LRP4: variants seen among roughly 807,000 people sequenced by gnomAD.
LRP4 encodes LDL receptor related protein 4, also known as low-density lipoprotein receptor-related protein 4.
LRP4 carries 95 observed loss-of-function variants against 220.3 expected under a neutral mutation model. That is an observed-to-expected ratio of 0.43 (90% CI 0.37 to 0.51). LRP4 has a LOEUF of 0.51. LRP4 is among the 20% of genes least tolerant of loss of function. The probability of loss-of-function intolerance (pLI) is 0.00; values close to 1 mark genes in which losing one functional copy is unlikely to be tolerated. For synonymous variants in LRP4, 903 were observed against 954.6 expected (o/e 0.95, Z 1.00); for missense variants, 1,925 against 2,567.0 (o/e 0.75, Z 5.40).
chr11:46,899,527 A>G lies in LRP4; in HGVS notation c.431-24T>C. 3 of 1,547,516 alleles carry G rather than the reference A, an allele frequency of 1.9e-6. No homozygotes were observed. Among genetic ancestry groups the G allele is most frequent in the Non-Finnish European group, 2.7e-6 (3 of 1,122,398 alleles). On this transcript the variant is annotated intron_variant, in intron 4 of 37. Transcript: ENST00000378623. The surrounding 1 kb of genome is among the most constrained non-coding windows in gnomAD (Gnocchi z 5.9). ...GTCTGGGGGGATGCGATGGGACAGC[A>G]GTTCTGAGGGGGCCCCACAGGCAAC...
In LRP4 at chr11:46,879,253, A is replaced by G. The variant is rs139837472; in HGVS notation, c.2877T>C (p.Tyr959=). ...TGCTCTTGGTCTGCCAGTCAGTCCAATAGATGCGCTCTCCATAGAGGGTCA... is the reference window on the plus strand; with the variant it reads ...TGCTCTTGGTCTGCCAGTCAGTCCAGTAGATGCGCTCTCCATAGAGGGTCA... ...FGLTLYGERI[Y]WTDWQTKSIQ... is the part of the protein sequence containing the mutation. Residue 959 remains tyrosine (Y), a synonymous_variant, in exon 21 of 38, where the codon TAT becomes TAC. Transcript: ENST00000378623. 7 of 1,614,108 alleles carry G rather than the reference A, an allele frequency of 4.3e-6. No individual in the cohort carries two copies. In the African/African-American group the frequency reaches 8.0e-5, roughly 18 times the overall value.
At chr11:46,900,962 T>G (rs148925328) in intron 2 of LRP4, among the ~76,000 whole-genome samples, 2,835 of 152,182 alleles carry the variant, frequency 0.019, 34 homozygotes, top group Non-Finnish European at 0.025. Context: ...ATCTTTTTTT[T>G]TGTGTGTATT....
In LRP4 at chr11:46,896,929, G is replaced by A. The variant is rs982467887; in HGVS notation, c.862C>T (p.Arg288Cys). ...GCACAGTCGTCCTCCCCATCACAGC[G>A]CCAGGACAGGCGGACACAGCGGCCT... ...HSGRCVRLSW[R>C]CDGEDDCADN... Residue 288 changes from arginine (R) to cysteine (C), a missense_variant, in exon 8 of 38, where the codon CGC becomes TGC. Physicochemically the swap from Arg to Cys is radical, Grantham distance 180. Around this residue, in one of 3 missense-constraint regions of LRP4, gnomAD observed 412 missense variants for 505.4 expected, o/e 0.82. Coordinates refer to ENST00000378623, the MANE Select transcript of LRP4 (RefSeq NM_002334.4). 6.8e-6 allele frequency: 11 copies of A among 1,614,190 alleles called. No homozygotes were observed. Among genetic ancestry groups the A allele is most frequent in the East Asian group, 2.2e-5 (1 of 44,888 alleles).
intron 1 of LRP4, among the ~76,000 whole-genome samples, chr11:46,912,160 A>G (rs1240302393): frequency 6.6e-6 from 1 of 152,198 alleles, no homozygotes; most frequent in Non-Finnish European, 1.5e-5. Flanking sequence ...GGCCAATGTA[A>G]GACGGGAATC....
chr11:46,896,741 C>T, intron 8 of LRP4, 128 bp downstream of exon 8: 1 of 1,393,414 alleles, frequency 7.2e-7, no homozygotes, highest in South Asian at 1.2e-5. Flanking sequence ...GGCCGCAGGT[C>T]AATGATGCAC....
At chr11:46,864,404 GAA>G in intron 36 of LRP4, 42 bp downstream of exon 36, 27 of 1,332,678 alleles carry the variant, frequency 2.0e-5, no homozygotes, top group Non-Finnish European at 2.5e-5. Flanking sequence ...ACATGCTCAT[GAA>G]GACCAATGAG....
rs1940446246 is a variant in LRP4, at chr11:46,858,723, G to C, written c.*260C>G. 2 of 516,970 alleles carry C rather than the reference G, an allele frequency of 3.9e-6. No homozygotes were observed. The highest frequency in any genetic ancestry group is 6.2e-5 in the Admixed American group (2 of 32,496). The allele number at this position is 516,970 out of a possible 1,614,324, so 32.0% of individuals were successfully genotyped here. ...AGGAATCACGAATAAGCAGTTTCAG[G>C]GGGCCCAGGATGGAGTACAAGATGT... On this transcript the variant is annotated 3_prime_UTR_variant, in exon 38 of 38. Transcript: ENST00000378623.
chr11:46,884,919 A>T (rs1004353610), intron 18 of LRP4, among the ~76,000 whole-genome samples: 1 of 152,044 alleles, frequency 6.6e-6, no homozygotes, highest in Non-Finnish European at 1.5e-5. Context: ...CTCAAAATTT[A>T]AAAAAGAAAA....
At chr11:46,866,450 T>TAA (rs11398155) in intron 34 of LRP4, among the ~76,000 whole-genome samples, 3 of 150,552 alleles carry the variant, frequency 2.0e-5, no homozygotes, top group African/African-American at 4.9e-5. Flanking sequence ...CCTGGCTAAT[T>TAA]AAAAAAAAAC....
At position 46,858,608 on chromosome 11, in the gene LRP4, G is replaced by A. The variant is rs1212931151; in HGVS notation, c.*375C>T. The A allele has an allele frequency of 2.9e-6, 1 of 341,870 alleles. No homozygotes were observed. The highest frequency in any genetic ancestry group is 2.1e-5 in the African/African-American group (1 of 46,892). The allele number at this position is 341,870 out of a possible 1,614,324, so 21.2% of individuals were successfully genotyped here. A position where few individuals can be genotyped will look rare whatever the true frequency, so the allele number is the denominator to read the frequency against. Reference sequence around the variant, plus strand: ...CAGTCATGCTGGCTGTGATGGGGCAGAGCGCAGTCCTGGGTCATCAGCTGC... The same window carrying A: ...CAGTCATGCTGGCTGTGATGGGGCAAAGCGCAGTCCTGGGTCATCAGCTGC... On this transcript the variant is annotated 3_prime_UTR_variant, in exon 38 of 38. Transcript: ENST00000378623.
At chr11:46,910,879 T>C (rs556692556) in intron 1 of LRP4, among the ~76,000 whole-genome samples, 13 of 152,236 alleles carry the variant, frequency 8.5e-5, no homozygotes, top group East Asian at 5.8e-4. Flanking sequence ...TTTCTCCACA[T>C]TGACCAGGCT....
chr11:46,881,695 C>A lies in LRP4; in HGVS notation c.2814+7G>T. On this transcript the variant is annotated splice_region_variant and intron_variant, in intron 20 of 37. Coordinates refer to ENST00000378623, the MANE Select transcript of LRP4 (RefSeq NM_002334.4). ...CACCCTTACCTTCCTCTTACTGCCA[C>A]CCTTACCTTCCTCTTACTGCCATCC... 1 of 1,610,826 alleles carries A rather than the reference C, an allele frequency of 6.2e-7. No homozygotes were observed. The highest frequency in any genetic ancestry group is 1.4e-5 in the African/African-American group (1 of 73,380).
At chr11:46,867,473 T>C (rs1432944208) in intron 34 of LRP4, among the ~76,000 whole-genome samples, 2 of 152,210 alleles carry the variant, frequency 1.3e-5, no homozygotes, top group African/African-American at 4.8e-5. Context: ...TTTTGTTTTG[T>C]TTTTGAGATG....
rs1941589478 is a variant in LRP4 at position 46,898,462 on chromosome 11, A to T, written c.796+96T>A. 3.9e-6 allele frequency: 6 copies of T among 1,554,262 alleles called. No individual in the cohort carries two copies. The South Asian group carries it at 6.7e-5, about 17-fold the overall frequency. On this transcript the variant is annotated intron_variant, in intron 7 of 37. Coordinates refer to ENST00000378623, the MANE Select transcript of LRP4 (RefSeq NM_002334.4). ...TGGTCTCCCAAAGTGCTGGCATTAT[A>T]AGCATGAGCCACCGCGCCCAGCCGG...
At chr11:46,897,077 C>G in intron 7 of LRP4, 83 bp from the exon 8 acceptor site, 1 of 1,571,662 alleles carries the variant, frequency 6.4e-7, no homozygotes. Context: ...CAGCTTATAT[C>G]AGTACCCATG....
In LRP4 at chr11:46,878,274, C is replaced by CTT. The variant is rs71042631; in HGVS notation, c.3136+631_3136+632dup. ...ACCAATTTTGGGCAGTTAGAAGTGT[C>CTT]TTTTTTTTTTTTTTTTTTTTTTTGA... is the stretch of plus-strand genomic sequence containing the variant. On this transcript the variant is annotated intron_variant, in intron 22 of 37. Coordinates refer to ENST00000378623, the MANE Select transcript of LRP4 (RefSeq NM_002334.4). 6.4e-3 allele frequency among the ~76,000 whole-genome samples: 482 copies of CTT among 74,986 alleles called. 1 individual carries two copies. Among genetic ancestry groups the CTT allele is most frequent in the African/African-American group, 0.013 (286 of 21,658 alleles). 49.2% of individuals were successfully genotyped at this position (74,986 alleles called of 152,430 possible). A position where few individuals can be genotyped will look rare whatever the true frequency, so the allele number is the denominator to read the frequency against.
At chr11:46,908,360 A>G (rs1204565684) in intron 1 of LRP4, among the ~76,000 whole-genome samples, 2 of 152,224 alleles carry the variant, frequency 1.3e-5, no homozygotes, top group African/African-American at 2.4e-5. Context: ...TGCAAAAGCA[A>G]TTGCGGTTTT....
At position 46,889,496 on chromosome 11, in the gene LRP4, C is replaced by T. The variant is rs199674492; in HGVS notation, c.2130G>A (p.Thr710=). The change falls in exon 16 of 38, where the codon ACG becomes ACA. Residue 710 remains threonine, a synonymous_variant. Transcript: ENST00000378623. ...TCTGGCCACTGGGCAGACACAGGTGCGTGCAGCCTCCGTTGTTGTCCCCAC... is the reference window on the plus strand; with the variant it reads ...TCTGGCCACTGGGCAGACACAGGTGTGTGCAGCCTCCGTTGTTGTCCCCAC... The part of the protein sequence containing the change: ...NRCGDNNGGC[T]HLCLPSGQNY... 6.9e-5 allele frequency: 111 copies of T among 1,614,040 alleles called. No homozygotes were observed. The highest frequency in any genetic ancestry group is 3.3e-4 in the Middle Eastern group (2 of 6,062).
In LRP4 at chr11:46,899,395, T is replaced by C. The variant is rs201957426; in HGVS notation, c.539A>G (p.Glu180Gly). The change falls in exon 5 of 38, where the codon GAG (glutamate) becomes GGG (glycine). Residue 180 changes from glutamate to glycine, a missense_variant. Transcript: ENST00000378623. The surrounding 1 kb of genome is among the most constrained non-coding windows in gnomAD (Gnocchi z 5.9). The stretch of plus-strand genomic sequence containing the variant: ...GGTCTGGGGCCACTCACGACAGTTC[T>C]CCTCATCGGAGCCATCTTTGCAGTC... Reference protein sequence around the residue: ...DTDCKDGSDEENCPSAVPAPP... With the variant: ...DTDCKDGSDEGNCPSAVPAPP... 404 of 1,613,470 alleles carry C rather than the reference T, an allele frequency of 2.5e-4. No individual in the cohort carries two copies. The highest frequency in any genetic ancestry group is 3.2e-4 in the Non-Finnish European group (373 of 1,179,430).
Sources: gnomAD v4.1 joint callset for allele counts (sites outside exome capture counted in the v4.1 genomes callset) on GRCh38, gnomAD v4.1.1 for gene constraint, gnomAD v4.1.1 regional missense constraint, Gnocchi (gnomAD v3.1) non-coding constraint, MANE v1.5 for transcripts, NCBI Gene and HGNC (gene_info 2026-07-23, HGNC 2026-07-21) for gene names.